CFAP299: variants seen among roughly 807,000 people sequenced by gnomAD.
CFAP299 encodes cilia and flagella associated protein 299, also known as cilia- and flagella-associated protein 299.
In CFAP299, 21 loss-of-function variants were observed where a neutral mutation model predicts 27.0. The observed-to-expected ratio is 0.78, with a 90% CI of 0.55 to 1.12. The LOEUF (loss-of-function observed/expected upper bound fraction) is 1.12, where lower values mean the gene tolerates loss of function less well. CFAP299 is among the 50% of genes most tolerant of loss of function. The pLI is 0.00. For missense variants in CFAP299, 310 were observed against 276.6 expected (o/e 1.12, Z -0.86); for synonymous variants, 104 against 98.1 (o/e 1.06, Z -0.36).
chr4:80,321,460 C>A, the CFAP299 span, among the ~76,000 whole-genome samples: 1 of 152,096 alleles, frequency 6.6e-6, no homozygotes, highest in Non-Finnish European at 1.5e-5. Flanking sequence ...TGCTCCAGGC[C>A]GTGGTGGGTG....
intron 3 of CFAP299, among the ~76,000 whole-genome samples, chr4:80,589,592 G>T (rs961641148): frequency 2.0e-5 from 3 of 151,758 alleles, no homozygotes; most frequent in African/African-American, 7.3e-5. Flanking sequence ...AACTTAAAAA[G>T]AATTTTTACT....
intron 3 of CFAP299, among the ~76,000 whole-genome samples, chr4:80,596,277 T>A (rs1737055178): frequency 6.6e-6 from 1 of 152,206 alleles, no homozygotes; most frequent in Non-Finnish European, 1.5e-5. Flanking sequence ...AGTCTTTGCT[T>A]AAATAGTTTA....
chr4:80,798,882 C>G (rs939377002), intron 3 of CFAP299, among the ~76,000 whole-genome samples: 2 of 151,608 alleles, frequency 1.3e-5, no homozygotes, highest in African/African-American at 4.8e-5. Flanking sequence ...ACTCTCTAAA[C>G]AGTTAACAGC....
chr4:80,477,450 G>C (rs1730337910), intron 2 of CFAP299, among the ~76,000 whole-genome samples: 1 of 152,028 alleles, frequency 6.6e-6, no homozygotes, highest in Non-Finnish European at 1.5e-5. Context: ...TGGTCATTCA[G>C]TATTCATGGA....
At chr4:80,528,083 T>C (rs1298265067) in intron 2 of CFAP299, among the ~76,000 whole-genome samples, 2 of 152,142 alleles carry the variant, frequency 1.3e-5, no homozygotes, top group African/African-American at 4.8e-5. Context: ...ATTAAGATTA[T>C]TGATTTCTAG....
intron 4 of CFAP299, among the ~76,000 whole-genome samples, chr4:80,922,308 G>T (rs981748773): frequency 7.2e-5 from 11 of 151,998 alleles, no homozygotes; most frequent in African/African-American, 2.7e-4. Flanking sequence ...TTAGATATAT[G>T]GTTGGGAGAT....
chr4:80,762,255 T>G (rs956538988), intron 3 of CFAP299, among the ~76,000 whole-genome samples: 2 of 152,100 alleles, frequency 1.3e-5, no homozygotes, highest in Admixed American at 1.3e-4. Flanking sequence ...TGAAAAACTT[T>G]CATATTTCCA....
intron 3 of CFAP299, among the ~76,000 whole-genome samples, chr4:80,702,783 C>G (rs909481815): frequency 3.3e-5 from 5 of 151,720 alleles, no homozygotes; most frequent in African/African-American, 1.2e-4. Context: ...AGGTTTAAAC[C>G]TTGTATTATG....
At chr4:80,525,222 A>G (rs1028368996) in intron 2 of CFAP299, among the ~76,000 whole-genome samples, 1 of 152,168 alleles carries the variant, frequency 6.6e-6, no homozygotes, top group African/African-American at 2.4e-5. Context: ...GTTAGAAGCA[A>G]GACAAAGGCC....
chr4:80,596,240 T>C lies in CFAP299; in HGVS notation c.333+13057T>C, dbSNP rs1737052658. ...TCTGTCTCATTACGGGAATCCTCCTTTGAGCTTTTCTGACAGATGGCTATG... is the reference window on the plus strand; with the variant it reads ...TCTGTCTCATTACGGGAATCCTCCTCTGAGCTTTTCTGACAGATGGCTATG... On this transcript the variant is annotated intron_variant, in intron 3 of 5. Transcript: ENST00000358105. Among the ~76,000 whole-genome samples, 3 of 152,184 alleles carry C rather than the reference T, an allele frequency of 2.0e-5. No homozygotes were observed. The South Asian group carries it at 6.2e-4, about 32-fold the overall frequency.
intron 2 of CFAP299, chr4:80,387,063 G>T: frequency 7.0e-7 from 1 of 1,426,876 alleles, no homozygotes; most frequent in Non-Finnish European, 9.9e-7. Flanking sequence ...GTGTGGGCAG[G>T]GGAAGTTGTG....
chr4:80,483,935 C>A (rs1232860762), intron 2 of CFAP299, among the ~76,000 whole-genome samples: 2 of 152,122 alleles, frequency 1.3e-5, no homozygotes, highest in Non-Finnish European at 2.9e-5. Flanking sequence ...AAAGCATTAA[C>A]TTTTTTAACT....
At chr4:80,901,123 T>C (rs978990511) in intron 4 of CFAP299, among the ~76,000 whole-genome samples, 2 of 152,118 alleles carry the variant, frequency 1.3e-5, no homozygotes, top group African/African-American at 4.8e-5. Context: ...ATGTTGCCTG[T>C]TGAGGCTGGA....
At chr4:80,720,641 A>G in intron 3 of CFAP299, among the ~76,000 whole-genome samples, 1 of 152,144 alleles carries the variant, frequency 6.6e-6, no homozygotes. Flanking sequence ...ATGTCCAAGA[A>G]TAAAGCTCTC....
chr4:80,962,038 G>A (rs1486779263), intron 5 of CFAP299, among the ~76,000 whole-genome samples: 1 of 151,912 alleles, frequency 6.6e-6, no homozygotes, highest in African/African-American at 2.4e-5. Flanking sequence ...GATCTGCAAA[G>A]TTAAATTTCT....
intron 2 of CFAP299, among the ~76,000 whole-genome samples, chr4:80,567,470 T>TA (rs1467206077): frequency 6.6e-6 from 1 of 152,032 alleles, no homozygotes; most frequent in African/African-American, 2.4e-5. Flanking sequence ...TAACCCTGAC[T>TA]AACCTGGCTC....
chr4:80,938,688 G>T (rs769416539), intron 4 of CFAP299, among the ~76,000 whole-genome samples: 1 of 152,142 alleles, frequency 6.6e-6, no homozygotes, highest in African/African-American at 2.4e-5. Context: ...CTCCCCGACT[G>T]AGCTGGCCTC....
At chr4:80,958,860 C>G (rs1048261660) in intron 5 of CFAP299, among the ~76,000 whole-genome samples, 1 of 152,088 alleles carries the variant, frequency 6.6e-6, no homozygotes, top group Non-Finnish European at 1.5e-5. Context: ...TAGTTATCTT[C>G]CATGAGGTTC....
chr4:80,559,859 G>T (rs1221679687), intron 2 of CFAP299, among the ~76,000 whole-genome samples: 1 of 152,184 alleles, frequency 6.6e-6, no homozygotes, highest in African/African-American at 2.4e-5. Context: ...GAGGGCTACT[G>T]TACTCTGTGT....
Sources: gnomAD v4.1 joint callset for allele counts (sites outside exome capture counted in the v4.1 genomes callset) on GRCh38, gnomAD v4.1.1 for gene constraint, MANE v1.5 for transcripts, NCBI Gene and HGNC (gene_info 2026-07-23, HGNC 2026-07-21) for gene names.